SYNRG: variants seen among roughly 807,000 people sequenced by gnomAD.
SYNRG encodes AP1 gamma subunit binding protein 1.
In SYNRG, 37 loss-of-function variants were observed where a neutral mutation model predicts 130.9. That is an observed-to-expected ratio of 0.28 (90% CI 0.22 to 0.37). The LOEUF (loss-of-function observed/expected upper bound fraction) is 0.37, where lower values mean the gene tolerates loss of function less well. Among genes scored for constraint, SYNRG ranks in the 10% least tolerant of loss-of-function variants. SYNRG has a pLI of 1.00. For missense variants in SYNRG, 1,338 were observed against 1,588.9 expected, an observed-to-expected ratio of 0.84 and a Z score of 2.68; for synonymous variants, 539 against 568.1, an observed-to-expected ratio of 0.95 and a Z score of 0.73.
rs746676454 is a variant in SYNRG, at chr17:37,577,612, G to T, written c.591C>A (p.Gly197=). ...PTPASHPKKP[G]PSLEEKFLVS... ...CTAGGAACTTCTCCTCCAAGGAAGG[G>T]CCTAAACAAAGAGCATGAAGGATTA... Residue 197 remains glycine (G), a splice_region_variant and synonymous_variant, in exon 7 of 22, where the codon GGC becomes GGA. Transcript: ENST00000612223. 1.2e-5 allele frequency: 20 copies of T among 1,612,088 alleles called. 2 individuals are homozygous for T. The South Asian group carries it at 2.0e-4, about 16-fold the overall frequency.
rs376179148 is a variant in SYNRG, at chr17:37,574,977, T to C, written c.901+1364A>G. On this transcript the variant is annotated intron_variant, in intron 8 of 21. Transcript: ENST00000612223. ...GAGCACAATTCAGCCATAAAAAAAA[T>C]TGAGATCCTGTCATTTCCAACAACA... Among the ~76,000 whole-genome samples, 54 of 152,168 alleles carry C rather than the reference T, an allele frequency of 3.5e-4. 1 individual carries two copies. The East Asian group carries it at 7.3e-3, about 21-fold the overall frequency.
chr17:37,557,300 CATT>C (rs2059191721), intron 13 of SYNRG: 1 of 152,298 alleles, frequency 6.6e-6, no homozygotes, highest in East Asian at 1.9e-4. Context: ...AAAAAGGAAA[CATT>C]ATTAAACTCT....
intron 1 of SYNRG, among the ~76,000 whole-genome samples, chr17:37,603,440 T>C (rs939992872): frequency 6.6e-6 from 1 of 152,198 alleles, no homozygotes; most frequent in Admixed American, 6.5e-5. Context: ...TCCAGTTCCA[T>C]CAAAAGAATC....
intron 6 of SYNRG, among the ~76,000 whole-genome samples, chr17:37,581,521 G>T (rs1422591620): frequency 6.6e-6 from 1 of 151,988 alleles, no homozygotes; most frequent in African/African-American, 2.4e-5. Flanking sequence ...CAGGTGATCT[G>T]CCTGCCTTGG....
At chr17:37,525,257 T>C (rs1161832845) in intron 19 of SYNRG, among the ~76,000 whole-genome samples, 1 of 152,178 alleles carries the variant, frequency 6.6e-6, no homozygotes, top group Admixed American at 6.5e-5. Context: ...TTTCATGCAT[T>C]TAGTTAAGAT....
At chr17:37,578,088 T>C (rs1156933521) in intron 6 of SYNRG, among the ~76,000 whole-genome samples, 1 of 151,690 alleles carries the variant, frequency 6.6e-6, no homozygotes, top group Non-Finnish European at 1.5e-5. Context: ...TCCCAGCACT[T>C]TGGGAGGCCA....
intron 1 of SYNRG, among the ~76,000 whole-genome samples, chr17:37,608,665 AAGAC>A (rs1267011384): frequency 2.0e-5 from 3 of 152,214 alleles, no homozygotes; most frequent in Non-Finnish European, 2.9e-5. Context: ...TTTTAAAAAG[AAGAC>A]AGACAAGTCT....
intron 11 of SYNRG, among the ~76,000 whole-genome samples, chr17:37,566,244 G>C (rs2059982807): frequency 6.6e-6 from 1 of 151,724 alleles, no homozygotes; most frequent in Non-Finnish European, 1.5e-5. Flanking sequence ...CCGTGTCTGT[G>C]TAGAAAGAAG....
At chr17:37,558,393 G>C (rs1013699763) in intron 13 of SYNRG, among the ~76,000 whole-genome samples, 4 of 152,166 alleles carry the variant, frequency 2.6e-5, no homozygotes, top group African/African-American at 9.7e-5. Flanking sequence ...GTTCCCAGAA[G>C]GAAATTCTCA....
At chr17:37,540,630 CTTTTTTTTTTTT>C (rs767724523) in intron 15 of SYNRG, 87 bp from the exon 16 acceptor site, 11 of 695,996 alleles carry the variant, frequency 1.6e-5, no homozygotes, top group South Asian at 1.5e-4. Context: ...CAACCCTCTT[CTTTTTTTTTTTT>C]TTTTTTTTTT....
intron 2 of SYNRG, among the ~76,000 whole-genome samples, chr17:37,598,615 A>G (rs1048646791): frequency 6.6e-6 from 1 of 152,226 alleles, no homozygotes; most frequent in Admixed American, 6.5e-5. Context: ...TCTTGTGGCC[A>G]TGACCTTGCT....
chr17:37,527,249 T>C (rs2056047062), intron 19 of SYNRG, among the ~76,000 whole-genome samples: 1 of 152,150 alleles, frequency 6.6e-6, no homozygotes, highest in Non-Finnish European at 1.5e-5. Context: ...AAAAATCGAT[T>C]AATTTTCCAG....
At position 37,561,485 on chromosome 17, in the gene SYNRG, G is replaced by A; in HGVS notation, c.1586C>T (p.Thr529Ile). Residue 529 changes from threonine (T) to isoleucine (I), a missense_variant, in exon 12 of 22, where the codon ACT becomes ATT. Coordinates refer to ENST00000612223, the MANE Select transcript of SYNRG (RefSeq NM_007247.6). ...CAACTTTTTACCTCCAGGTGGAACA[G>A]TATTTTCAGAGGACTTGTCAGCTGC... ...GIAADKSSEN[T>I]VPPGDPGDKY... 1 of 1,613,380 alleles carries A rather than the reference G, an allele frequency of 6.2e-7. No homozygotes were observed. Among genetic ancestry groups the A allele is most frequent in the Non-Finnish European group, 8.5e-7 (1 of 1,179,364 alleles).
chr17:37,549,203 AC>A (rs2058527780), intron 14 of SYNRG, among the ~76,000 whole-genome samples: 1 of 152,136 alleles, frequency 6.6e-6, no homozygotes, highest in Non-Finnish European at 1.5e-5. Flanking sequence ...CTAAAAAAGA[AC>A]AAAGAATTAA....
In SYNRG at chr17:37,520,707, C is replaced by T. The variant is rs546153578; in HGVS notation, c.3667-59G>A. 14 of 1,414,426 alleles carry T rather than the reference C, an allele frequency of 9.9e-6. No individual in the cohort carries two copies. In the South Asian group the frequency reaches 1.4e-4, roughly 14 times the overall value. The allele number at this position is 1,414,426 out of a possible 1,614,324, so 87.6% of individuals were successfully genotyped here. ...CCACAAGTCCACACGCTGTTCACTT[C>T]ACTCCCTCATCACTCACCCCCAGCA... On this transcript the variant is annotated intron_variant, in intron 19 of 21. Transcript: ENST00000612223.
rs977097645 is a variant in SYNRG, at chr17:37,554,210, A to G, written c.1664-151T>C. 4 of 675,444 alleles carry G rather than the reference A, an allele frequency of 5.9e-6. No individual in the cohort carries two copies. The Admixed American group carries it at 1.1e-4, about 19-fold the overall frequency. The allele number at this position is 675,444 out of a possible 1,614,324, so 41.8% of individuals were successfully genotyped here. A position where few individuals can be genotyped will look rare whatever the true frequency, so the allele number is the denominator to read the frequency against. On this transcript the variant is annotated intron_variant, in intron 13 of 21. Transcript: ENST00000612223. ...GTTTACATACTTTAAACCCTATCGA[A>G]CTACACATTTATTTCCACACTGAAG...
chr17:37,580,979 A>C (rs1385510006), intron 6 of SYNRG, among the ~76,000 whole-genome samples: 1 of 152,098 alleles, frequency 6.6e-6, no homozygotes, highest in Non-Finnish European at 1.5e-5. Context: ...CAAGACAAGA[A>C]CATTAAACAC....
intron 14 of SYNRG, among the ~76,000 whole-genome samples, chr17:37,543,913 T>G (rs2058020310): frequency 6.6e-6 from 1 of 152,220 alleles, no homozygotes; most frequent in Non-Finnish European, 1.5e-5. Flanking sequence ...AATATGAGAC[T>G]CTCCCTCTGA....
At chr17:37,536,551 T>A (rs1598163060) in intron 18 of SYNRG, 2 of 161,728 alleles carry the variant, frequency 1.2e-5, no homozygotes, top group East Asian at 3.6e-4. Flanking sequence ...TTTTGGGAGG[T>A]TTATTTATGA....
Sources: gnomAD v4.1 joint callset for allele counts (sites outside exome capture counted in the v4.1 genomes callset) on GRCh38, gnomAD v4.1.1 for gene constraint, MANE v1.5 for transcripts, NCBI Gene and HGNC (gene_info 2026-07-23, HGNC 2026-07-21) for gene names.